CCDC57: variants seen among roughly 807,000 people sequenced by gnomAD.
CCDC57 encodes coiled-coil domain containing 57.
CCDC57 carries 118 observed loss-of-function variants against 118.9 expected under a neutral mutation model. The ratio of observed to expected loss-of-function variants is 0.99; its 90% confidence interval spans 0.86 to 1.16. The LOEUF (loss-of-function observed/expected upper bound fraction) is 1.16, where lower values mean the gene tolerates loss of function less well. CCDC57 is among the 50% of genes most tolerant of loss of function. CCDC57 has a pLI of 0.00. For synonymous variants in CCDC57, 527 were observed against 532.9 expected, an observed-to-expected ratio of 0.99 and a Z score of 0.15; for missense variants, 1,300 against 1,320.7, an observed-to-expected ratio of 0.98 and a Z score of 0.24.
chr17:82,175,013 C>G (rs1209852568), intron 11 of CCDC57, among the ~76,000 whole-genome samples: 1 of 152,208 alleles, frequency 6.6e-6, no homozygotes, highest in Non-Finnish European at 1.5e-5. Context: ...GGAAACTGCC[C>G]ACCGCAGTGC....
At chr17:82,182,274 T>G (rs1183147986) in intron 9 of CCDC57, among the ~76,000 whole-genome samples, 2 of 142,466 alleles carry the variant, frequency 1.4e-5, no homozygotes, top group African/African-American at 5.1e-5. Flanking sequence ...TCAATGGAAG[T>G]ATTTAACAAA....
intron 19 of CCDC57, among the ~76,000 whole-genome samples, chr17:82,123,122 C>CTTTTTTTTTTTT (rs34869339): frequency 9.5e-6 from 1 of 105,766 alleles, no homozygotes; most frequent in Non-Finnish European, 1.9e-5. Flanking sequence ...CTCCTAATAA[C>CTTTTTTTTTTTT]TTTTTTTTTT....
intron 1 of CCDC57, chr17:82,208,164 C>G (rs747911782): frequency 6.6e-6 from 1 of 152,028 alleles, no homozygotes; most frequent in Non-Finnish European, 1.5e-5. Context: ...CCTGCCTCGG[C>G]CTCCCAAAGG....
At chr17:82,162,177 T>G (rs2043422688) in intron 14 of CCDC57, among the ~76,000 whole-genome samples, 1 of 151,918 alleles carries the variant, frequency 6.6e-6, no homozygotes, top group Non-Finnish European at 1.5e-5. Flanking sequence ...TTTTTTGTAT[T>G]TTATAGAGAT....
At position 82,172,966 on chromosome 17, in the gene CCDC57, C is replaced by T. The variant is rs568294427; in HGVS notation, c.1507-106G>A. ...CCGCGCCCCTCTCGGGCCGGTCCCCCGCTTCAGCTTGGGCTGTGGTCCCTC... is the reference window on the plus strand; with the variant it reads ...CCGCGCCCCTCTCGGGCCGGTCCCCTGCTTCAGCTTGGGCTGTGGTCCCTC... On this transcript the variant is annotated intron_variant, in intron 11 of 19. Coordinates refer to ENST00000665763, the Ensembl canonical transcript of CCDC57. This position sits in a 1 kb window ranked among gnomAD's most constrained non-coding sequence, Gnocchi z 5.2. 1.8e-5 allele frequency: 18 copies of T among 992,414 alleles called. No individual in the cohort carries two copies. The highest frequency in any genetic ancestry group is 1.4e-4 in the South Asian group (10 of 72,022). 61.5% of individuals were successfully genotyped at this position (992,414 alleles called of 1,614,324 possible).
chr17:82,188,088 T>C (rs1450800045), intron 8 of CCDC57, 131 bp downstream of exon 7: 27 of 624,078 alleles, frequency 4.3e-5, no homozygotes, highest in Non-Finnish European at 6.1e-5. Context: ...GAAAAGTGAC[T>C]GAGAGCTACA....
intron 17 of CCDC57, among the ~76,000 whole-genome samples, chr17:82,130,850 C>T (rs1274516790): frequency 1.3e-5 from 2 of 150,756 alleles, no homozygotes; most frequent in African/African-American, 4.9e-5. Context: ...CTCACTCTGT[C>T]ACCCAGGCTG....
intron 19 of CCDC57, 175 bp downstream of exon 18, chr17:82,127,516 GA>G: frequency 1.0e-6 from 1 of 985,446 alleles, no homozygotes; most frequent in Non-Finnish European, 1.2e-6. Flanking sequence ...CATAACCCGG[GA>G]AACACTCAGG....
intron 19 of CCDC57, among the ~76,000 whole-genome samples, chr17:82,116,908 G>C (rs1295054222): frequency 6.6e-6 from 1 of 152,158 alleles, no homozygotes; most frequent in Non-Finnish European, 1.5e-5. Context: ...GTCTCCCTTC[G>C]AGTCCCTGAC....
chr17:82,188,567 G>T, intron 7 of CCDC57, 148 bp from the exon 7 acceptor site: 1 of 807,580 alleles, frequency 1.2e-6, no homozygotes, highest in Non-Finnish European at 1.9e-6. Context: ...CTGGCCACCT[G>T]TTCCTCATTC....
chr17:82,203,996 G>C (rs1289789847), intron 2 of CCDC57, among the ~76,000 whole-genome samples: 1 of 152,214 alleles, frequency 6.6e-6, no homozygotes, highest in Non-Finnish European at 1.5e-5. Flanking sequence ...GAAGCACAAG[G>C]AGGAGGTGGG....
intron 14 of CCDC57, among the ~76,000 whole-genome samples, chr17:82,158,967 T>C (rs1397451069): frequency 6.6e-6 from 1 of 152,126 alleles, no homozygotes; most frequent in Non-Finnish European, 1.5e-5. Flanking sequence ...ACCCTCCCAC[T>C]GGGCTCAAGT....
chr17:82,124,621 T>C (rs552404724), intron 19 of CCDC57, among the ~76,000 whole-genome samples: 42 of 151,558 alleles, frequency 2.8e-4, no homozygotes, highest in Non-Finnish European at 3.4e-4. Context: ...AGCGACACCT[T>C]GTACCTACAA....
intron 8 of CCDC57, among the ~76,000 whole-genome samples, chr17:82,187,436 A>G (rs2047069912): frequency 1.4e-5 from 2 of 140,490 alleles, no homozygotes; most frequent in Non-Finnish European, 3.0e-5. Flanking sequence ...GAGAGTCCCA[A>G]ATGGACAAAT....
chr17:82,131,936 C>T (rs2038427751), intron 17 of CCDC57, among the ~76,000 whole-genome samples: 2 of 151,360 alleles, frequency 1.3e-5, no homozygotes, highest in South Asian at 2.1e-4. Flanking sequence ...GGCAACATGG[C>T]GAAACCCTAT....
chr17:82,199,623 C>G (rs1204860854), intron 3 of CCDC57, among the ~76,000 whole-genome samples: 1 of 152,192 alleles, frequency 6.6e-6, no homozygotes, highest in Non-Finnish European at 1.5e-5. Flanking sequence ...TGTAAACACT[C>G]TGGAAAGCAG....
chr17:82,160,703 C>G (rs564273813), intron 14 of CCDC57, among the ~76,000 whole-genome samples: 2 of 151,978 alleles, frequency 1.3e-5, no homozygotes, highest in Non-Finnish European at 2.9e-5. Flanking sequence ...GGTAAAACCC[C>G]ATCTCTACCA....
chr17:82,158,020 C>G (rs972494696), intron 14 of CCDC57, 72 bp from the exon 14 acceptor site: 2 of 1,492,296 alleles, frequency 1.3e-6, no homozygotes, highest in Non-Finnish European at 1.8e-6. Context: ...TGGGCACTGA[C>G]AGGAAGCGCT....
intron 13 of CCDC57, among the ~76,000 whole-genome samples, chr17:82,167,964 C>T (rs1367316830): frequency 2.0e-5 from 3 of 152,208 alleles, no homozygotes; most frequent in Non-Finnish European, 4.4e-5. Context: ...CTATCATATT[C>T]ATCCTTGCCA....
Sources: gnomAD v4.1 joint callset for allele counts (sites outside exome capture counted in the v4.1 genomes callset) on GRCh38, gnomAD v4.1.1 for gene constraint, Gnocchi (gnomAD v3.1) non-coding constraint, MANE v1.5 for transcripts, NCBI Gene and HGNC (gene_info 2026-07-23, HGNC 2026-07-21) for gene names.